SORCS3: variants seen among roughly 807,000 people sequenced by gnomAD.
The protein encoded by SORCS3 is sortilin related VPS10 domain containing receptor 3.
Under a neutral mutation model 146.3 loss-of-function variants are expected in SORCS3, and 57 were observed. The ratio of observed to expected loss-of-function variants is 0.39; its 90% CI spans 0.31 to 0.49. The LOEUF is 0.49. SORCS3 is among the 20% of genes least tolerant of loss of function. The pLI is 0.92. For synonymous variants in SORCS3, 653 were observed against 618.5 expected (o/e 1.06, Z -0.83); for missense variants, 1,341 against 1,575.5 (o/e 0.85, Z 2.52).
intron 3 of SORCS3, among the ~76,000 whole-genome samples, chr10:104,966,004 T>G (rs1659271659): frequency 6.6e-6 from 1 of 152,132 alleles, no homozygotes; most frequent in African/African-American, 2.4e-5. Context: ...TCCGTGACAT[T>G]TATATGTAGT....
intron 1 of SORCS3, among the ~76,000 whole-genome samples, chr10:104,677,337 G>A (rs1347457173): frequency 6.6e-6 from 1 of 152,070 alleles, no homozygotes; most frequent in Non-Finnish European, 1.5e-5. Context: ...GCTATTATTT[G>A]GTTTTCTAGC....
At chr10:105,057,955 G>T (rs2055457043) in intron 5 of SORCS3, among the ~76,000 whole-genome samples, 1 of 152,174 alleles carries the variant, frequency 6.6e-6, no homozygotes, top group Non-Finnish European at 1.5e-5. Flanking sequence ...ACCTGCTTCT[G>T]CTGTTTGAAA....
At chr10:105,126,645 A>G (rs745628927) in intron 7 of SORCS3, among the ~76,000 whole-genome samples, 6 of 152,184 alleles carry the variant, frequency 3.9e-5, no homozygotes, top group Non-Finnish European at 8.8e-5. Flanking sequence ...TTATGCCTGC[A>G]GTATCTGGAA....
intron 1 of SORCS3, among the ~76,000 whole-genome samples, chr10:104,804,976 G>T (rs2017664830): frequency 6.6e-6 from 1 of 152,196 alleles, no homozygotes; most frequent in South Asian, 2.1e-4. Context: ...TAGATAAGTA[G>T]ATCCATGAGA....
intron 4 of SORCS3, among the ~76,000 whole-genome samples, chr10:105,008,323 G>A (rs984108537): frequency 6.6e-6 from 1 of 152,292 alleles, no homozygotes; most frequent in Admixed American, 6.5e-5. Flanking sequence ...ATGAAGGTGT[G>A]CATTTCACTG....
intron 1 of SORCS3, among the ~76,000 whole-genome samples, chr10:104,680,644 G>T (rs2015959937): frequency 6.6e-6 from 1 of 152,230 alleles, no homozygotes; most frequent in African/African-American, 2.4e-5. Flanking sequence ...TTGTTGTGAG[G>T]GCTAAACTAG....
intron 7 of SORCS3, among the ~76,000 whole-genome samples, chr10:105,113,079 G>A (rs2055869421): frequency 6.6e-6 from 1 of 152,184 alleles, no homozygotes; most frequent in Admixed American, 6.5e-5. Context: ...CTCAAACGGA[G>A]CAACTCTGCT....
chr10:104,843,188 G>A (rs1251031094), intron 2 of SORCS3, among the ~76,000 whole-genome samples: 3 of 152,176 alleles, frequency 2.0e-5, no homozygotes, highest in Non-Finnish European at 4.4e-5. Flanking sequence ...TAGGAAGCCT[G>A]CTGTAGGAGA....
At chr10:104,715,918 G>T (rs1208511069) in intron 1 of SORCS3, among the ~76,000 whole-genome samples, 1 of 152,174 alleles carries the variant, frequency 6.6e-6, no homozygotes, top group Non-Finnish European at 1.5e-5. Context: ...GCTTTCTGGT[G>T]TATGCCAAGT....
chr10:105,105,354 A>T, intron 6 of SORCS3, 43 bp from the exon 7 acceptor site: 1 of 1,373,914 alleles, frequency 7.3e-7, no homozygotes, highest in East Asian at 2.3e-5. Flanking sequence ...CTCCCTCATG[A>T]TTTTCACTTG....
chr10:105,212,762 G>T (rs2056641282), intron 17 of SORCS3, among the ~76,000 whole-genome samples: 1 of 152,148 alleles, frequency 6.6e-6, no homozygotes, highest in African/African-American at 2.4e-5. Context: ...TGAAAAAGAA[G>T]AGTAGATGAT....
intron 6 of SORCS3, among the ~76,000 whole-genome samples, chr10:105,096,103 T>C (rs1478459314): frequency 6.9e-6 from 1 of 145,228 alleles, no homozygotes; most frequent in Non-Finnish European, 1.5e-5. Context: ...ACCTCACAAA[T>C]ACACACACAC....
chr10:105,099,193 A>G (rs1036801491), intron 6 of SORCS3, among the ~76,000 whole-genome samples: 3 of 152,202 alleles, frequency 2.0e-5, no homozygotes, highest in Non-Finnish European at 4.4e-5. Flanking sequence ...TTTTAGAGTT[A>G]CCTTGAATCT....
chr10:105,017,125 TA>T, intron 4 of SORCS3, among the ~76,000 whole-genome samples: 1 of 151,564 alleles, frequency 6.6e-6, no homozygotes, highest in African/African-American at 2.4e-5. Flanking sequence ...TTATCAAAGT[TA>T]TTCGTTATAA....
intron 13 of SORCS3, among the ~76,000 whole-genome samples, chr10:105,175,795 T>G (rs2056396912): frequency 6.6e-6 from 1 of 152,194 alleles, no homozygotes; most frequent in African/African-American, 2.4e-5. Context: ...ATTTAGAAAC[T>G]CATGAAGATG....
At chr10:105,040,192 A>G (rs1294337419) in intron 4 of SORCS3, among the ~76,000 whole-genome samples, 2 of 152,122 alleles carry the variant, frequency 1.3e-5, no homozygotes, top group South Asian at 2.1e-4. Context: ...AAATATATGG[A>G]TATATTCTTC....
chr10:104,976,854 A>G (rs1363169054), intron 3 of SORCS3, among the ~76,000 whole-genome samples: 1 of 152,172 alleles, frequency 6.6e-6, no homozygotes, highest in Admixed American at 6.5e-5. Context: ...GTGGGAATTG[A>G]ACAATGAGAT....
At chr10:104,904,032 C>T (rs2018879019) in intron 2 of SORCS3, among the ~76,000 whole-genome samples, 1 of 152,068 alleles carries the variant, frequency 6.6e-6, no homozygotes, top group African/African-American at 2.4e-5. Flanking sequence ...AAATTTTTCT[C>T]AGATGTAATT....
chr10:105,174,167 A>G (rs1233527177), intron 13 of SORCS3, among the ~76,000 whole-genome samples: 5 of 152,170 alleles, frequency 3.3e-5, no homozygotes, highest in Non-Finnish European at 7.3e-5. Flanking sequence ...ATTTTGATAA[A>G]TTCATTTTAT....
Sources: allele counts gnomAD v4.1 joint callset (sites outside exome capture counted in the v4.1 genomes callset), GRCh38; gene constraint gnomAD v4.1.1; transcripts MANE v1.5; gene names NCBI Gene and HGNC (gene_info 2026-07-23, HGNC 2026-07-21).